The following CETP variants were observed in gnomAD, a reference collection of about 807,000 sequenced individuals.
The protein encoded by CETP is BPI fold containing family F.
A neutral mutation model predicts 66.5 loss-of-function variants in CETP; 56 were observed. The ratio of observed to expected loss-of-function variants is 0.84; its 90% CI spans 0.68 to 1.05. The LOEUF is 1.05. Among genes scored for constraint, CETP ranks in the 50% least tolerant of loss-of-function variants. CETP has a pLI of 0.00. For synonymous variants in CETP, 251 were observed against 245.7 expected, an observed-to-expected ratio of 1.02 and a Z score of -0.20; for missense variants, 612 against 609.6, an observed-to-expected ratio of 1.00 and a Z score of -0.04.
At position 56,970,131 on chromosome 16, in the gene CETP, T is replaced by C. The variant is rs1596999464; in HGVS notation, c.527+130T>C. The C allele has an allele frequency of 9.0e-6, 7 of 778,302 alleles. No homozygotes were observed. The East Asian group carries it at 1.9e-4, about 21-fold the overall frequency. The allele number at this position is 778,302 out of a possible 1,614,324, so 48.2% of individuals were successfully genotyped here. A position where few individuals can be genotyped will look rare whatever the true frequency, so the allele number is the denominator to read the frequency against. ...GCCAAACCTGAGGGCAGCAATACCTTCAGTGGGGTCACTTCCTACCCCCTC... is the reference window on the plus strand; with the variant it reads ...GCCAAACCTGAGGGCAGCAATACCTCCAGTGGGGTCACTTCCTACCCCCTC... On this transcript the variant is annotated intron_variant, in intron 5 of 15. Transcript: ENST00000200676.
intron 11 of CETP, among the ~76,000 whole-genome samples, chr16:56,979,517 A>ATT (rs34279747): frequency 0.79 from 118,099 of 150,408 alleles, 47,068 homozygotes; most frequent in Non-Finnish European, 0.87. Context: ...AATATCTTCA[A>ATT]TTTTTTTTTT....
chr16:56,962,198 C>A, intron 1 of CETP, 101 bp downstream of exon 1: 1 of 962,838 alleles, frequency 1.0e-6, no homozygotes, highest in Non-Finnish European at 1.7e-6. Flanking sequence ...AAGCCGGCTG[C>A]CACACTAGCC....
rs1421265779 is a variant in CETP, at chr16:56,966,711, T to C, written c.234-2675T>C. 2.0e-5 allele frequency among the ~76,000 whole-genome samples: 3 copies of C among 151,938 alleles called. No individual in the cohort carries two copies. The East Asian group carries it at 5.8e-4, about 29-fold the overall frequency. On this transcript the variant is annotated intron_variant, in intron 2 of 15. Coordinates refer to ENST00000200676, the MANE Select transcript of CETP (RefSeq NM_000078.3). ...GCCTCCTGGGTTCAAGCGATTCTCC[T>C]GCCTCAACCTCCCGAGCAGCTGGAA...
chr16:56,965,104 A>G lies in CETP; in HGVS notation c.233+1980A>G, dbSNP rs1875927733. Among the ~76,000 whole-genome samples the G allele has an allele frequency of 3.3e-5, 5 of 152,342 alleles. No homozygotes were observed. In the South Asian group the frequency reaches 1.0e-3, roughly 32 times the overall value. On this transcript the variant is annotated intron_variant, in intron 2 of 15. Transcript: ENST00000200676. The stretch of plus-strand genomic sequence containing the variant: ...AGACTCTGTTGCTAAAAAATAAAAG[A>G]GGATAATGCTATCCTAGACCTATGT...
In CETP at chr16:56,969,639, G is replaced by T. The variant is rs150236668; in HGVS notation, c.397G>T (p.Glu133Ter). The T allele has an allele frequency of 6.2e-7, 1 of 1,613,920 alleles. No individual in the cohort carries two copies. Among genetic ancestry groups the T allele is most frequent in the African/African-American group, 1.3e-5 (1 of 74,876 alleles). ...GGGTATTGATCAGTCCATTGACTTC[G>T]AGATCGACTCTGCCATTGACCTCCA... ...WLGIDQSIDF[E>*]IDSAIDLQIN... is the part of the protein sequence containing the mutation. Residue 133 changes from glutamate (E) to a stop codon, truncating the protein, a stop_gained, in exon 4 of 16, where the codon GAG (glutamate) becomes TAG (stop). Coordinates refer to ENST00000200676, the MANE Select transcript of CETP (RefSeq NM_000078.3). LOFTEE classifies it high-confidence loss of function.
chr16:56,972,393 C>T (rs289712), intron 8 of CETP, among the ~76,000 whole-genome samples: 38,235 of 152,180 alleles, frequency 0.25, 5,363 homozygotes, highest in East Asian at 0.4. Context: ...TGTGGCCCCC[C>T]CCCAGGGGGT....
chr16:56,963,379 G>T (rs377136204), intron 2 of CETP, among the ~76,000 whole-genome samples: 13 of 152,288 alleles, frequency 8.5e-5, no homozygotes, highest in African/African-American at 2.6e-4. Flanking sequence ...CTTTCCCACT[G>T]CCCTGGGAAG....
intron 8 of CETP, among the ~76,000 whole-genome samples, chr16:56,972,821 C>T (rs1266194841): frequency 1.3e-5 from 2 of 152,238 alleles, no homozygotes; most frequent in Admixed American, 1.3e-4. Context: ...ATCTTTGTAA[C>T]AGAGCCTCTC....
At chr16:56,981,701 T>C (rs1197595215) in intron 13 of CETP, 21 bp downstream of exon 13, 1 of 1,613,226 alleles carries the variant, frequency 6.2e-7, no homozygotes. Flanking sequence ...TTGGATAGAC[T>C]GGGGGAAATA....
intron 9 of CETP, among the ~76,000 whole-genome samples, chr16:56,973,732 C>T (rs1307843980): frequency 6.6e-6 from 1 of 152,230 alleles, no homozygotes; most frequent in Non-Finnish European, 1.5e-5. Flanking sequence ...GCAGACAAAA[C>T]TCCTCAGACA....
intron 13 of CETP, 103 bp from the exon 14 acceptor site, chr16:56,982,062 C>A: frequency 2.7e-6 from 3 of 1,103,032 alleles, no homozygotes; most frequent in Non-Finnish European, 4.2e-6. Flanking sequence ...ATTTTTTTCA[C>A]GGATGGGCAT....
Position 56,982,672 on chromosome 16 carries a change from G to T in CETP, c.1321+435G>T, listed in dbSNP as rs144931195. Among the ~76,000 whole-genome samples the T allele has an allele frequency of 3.3e-5, 5 of 152,268 alleles. No individual in the cohort carries two copies. The East Asian group carries it at 9.6e-4, about 29-fold the overall frequency. ...AATGGTAGAATATTTATCCCTTTGA[G>T]GTGACTCGGATGGTAGACTCTCAGA... On this transcript the variant is annotated intron_variant, in intron 14 of 15. Transcript: ENST00000200676.
At chr16:56,982,326 G>A (rs2142007139) in intron 14 of CETP, 89 bp downstream of exon 14, 3 of 1,259,484 alleles carry the variant, frequency 2.4e-6, no homozygotes, top group South Asian at 1.2e-5. Context: ...AGAGCTTCAG[G>A]TGCCCCTCTT....
intron 2 of CETP, among the ~76,000 whole-genome samples, chr16:56,966,215 G>T (rs1567469677): frequency 6.6e-6 from 1 of 152,194 alleles, no homozygotes; most frequent in Non-Finnish European, 1.5e-5. Flanking sequence ...GGGCTATAGG[G>T]GAGAATTAAT....
At chr16:56,972,911 A>G (rs1449322920) in intron 8 of CETP, among the ~76,000 whole-genome samples, 2 of 151,990 alleles carry the variant, frequency 1.3e-5, no homozygotes, top group East Asian at 3.9e-4. Context: ...GGGCTGGATG[A>G]TCTAGTGGGG....
chr16:56,972,160 G>C (rs12720873), intron 8 of CETP, 77 bp downstream of exon 8: 9 of 1,097,854 alleles, frequency 8.2e-6, no homozygotes, highest in Non-Finnish European at 1.2e-5. Context: ...TGACAACCCC[G>C]TCCCCCAGCT....
intron 2 of CETP, among the ~76,000 whole-genome samples, chr16:56,965,982 TGA>T (rs2056063372): frequency 6.6e-6 from 1 of 152,172 alleles, no homozygotes; most frequent in African/African-American, 2.4e-5. Context: ...TCCTCCAAGC[TGA>T]GCCACCTACT....
At chr16:56,969,144 A>T (rs888714499) in intron 2 of CETP, among the ~76,000 whole-genome samples, 2 of 151,878 alleles carry the variant, frequency 1.3e-5, no homozygotes, top group African/African-American at 2.4e-5. Context: ...ATAACCTAGG[A>T]TCATCTCCCC....
rs147758502 is a variant in CETP, at chr16:56,962,071, G to C, written c.92G>C (p.Arg31Pro). Residue 31 changes from arginine to proline, a missense_variant, in exon 1 of 16, where the codon CGC (arginine) becomes CCC (proline). By Grantham distance (103) the Arg-to-Pro change is moderately radical (BLOSUM62 -2). Transcript: ENST00000200676. The stretch of plus-strand genomic sequence containing the variant: ...TCGCACGAGGCAGGCATCGTGTGCC[G>C]CATCACCAAGCCTGCCCTCCTGGTG... The part of the protein sequence containing the change: ...GTSHEAGIVC[R>P]ITKPALLVLN... 1 of 1,613,972 alleles carries C rather than the reference G, an allele frequency of 6.2e-7. No homozygotes were observed. Among genetic ancestry groups the C allele is most frequent in the Non-Finnish European group, 8.5e-7 (1 of 1,179,948 alleles).
Sources: allele counts gnomAD v4.1 joint callset (sites outside exome capture counted in the v4.1 genomes callset), GRCh38; gene constraint gnomAD v4.1.1; transcripts MANE v1.5; gene names NCBI Gene and HGNC (gene_info 2026-07-23, HGNC 2026-07-21).